The following KIAA1549L variants were observed in gnomAD, a reference collection of about 807,000 sequenced individuals.
KIAA1549L encodes UPF0606 protein KIAA1549L.
A neutral mutation model predicts 160.7 loss-of-function variants in KIAA1549L; 88 were observed. That is an observed-to-expected ratio of 0.55 (90% CI 0.46 to 0.65). The LOEUF (loss-of-function observed/expected upper bound fraction) is 0.65. Among genes scored for constraint, KIAA1549L ranks in the 30% least tolerant of loss-of-function variants. KIAA1549L has a pLI of 0.00. For synonymous variants in KIAA1549L, 950 were observed against 976.7 expected, an observed-to-expected ratio of 0.97 and a Z score of 0.51; for missense variants, 2,258 against 2,437.5, an observed-to-expected ratio of 0.93 and a Z score of 1.55.
intron 1 of KIAA1549L, among the ~76,000 whole-genome samples, chr11:33,419,463 A>G (rs917483162): frequency 6.6e-6 from 1 of 152,192 alleles, no homozygotes; most frequent in African/African-American, 2.4e-5. Flanking sequence ...TCTTTTCCTT[A>G]TAGTCAGATT....
chr11:33,396,209 A>G (rs914498188), intron 1 of KIAA1549L, among the ~76,000 whole-genome samples: 2 of 152,168 alleles, frequency 1.3e-5, no homozygotes, highest in African/African-American at 4.8e-5. Context: ...GTCCTATTAC[A>G]GGACCATCAG....
chr11:33,471,888 T>A (rs1852184772), intron 1 of KIAA1549L, among the ~76,000 whole-genome samples: 1 of 152,210 alleles, frequency 6.6e-6, no homozygotes, highest in Non-Finnish European at 1.5e-5. Flanking sequence ...TATCAGAACC[T>A]TATGAACAGT....
chr11:33,581,461 A>G (rs1478728410), intron 10 of KIAA1549L, among the ~76,000 whole-genome samples: 1 of 151,166 alleles, frequency 6.6e-6, no homozygotes, highest in African/African-American at 2.4e-5. Context: ...ACACACTTCT[A>G]TTCATGTGTG....
At position 33,650,191 on chromosome 11, in the gene KIAA1549L, G is replaced by T. The variant is rs544223453; in HGVS notation, c.5760+4155G>T. ...CTATCTGGGCCAGATTGGGAATGGGGCTCTCTGCCTTGGAACGGCCCCAAG... is the reference window on the plus strand; with the variant it reads ...CTATCTGGGCCAGATTGGGAATGGGTCTCTCTGCCTTGGAACGGCCCCAAG... On this transcript the variant is annotated intron_variant, in intron 17 of 20. Coordinates refer to ENST00000658780, the MANE Select transcript of KIAA1549L (RefSeq NM_012194.3). Among the ~76,000 whole-genome samples, 5 of 152,260 alleles carry T rather than the reference G, an allele frequency of 3.3e-5. No homozygotes were observed. In the South Asian group the frequency reaches 6.2e-4, roughly 19 times the overall value.
intron 20 of KIAA1549L, among the ~76,000 whole-genome samples, chr11:33,666,360 C>A (rs1352987518): frequency 1.3e-5 from 2 of 152,212 alleles, no homozygotes; most frequent in African/African-American, 4.8e-5. Flanking sequence ...ATCAGTACGC[C>A]CATACATTTT....
Position 33,584,411 on chromosome 11 carries a change from C to G in KIAA1549L, c.4566+910C>G, listed in dbSNP as rs752144749. The stretch of plus-strand genomic sequence containing the variant: ...CCCCCGTTCAGTGGCTCCACTGAAG[C>G]CTGTCCTGGGGCCCCATCCACCCAC... On this transcript the variant is annotated intron_variant, in intron 11 of 20. Transcript: ENST00000658780. 2.0e-5 allele frequency among the ~76,000 whole-genome samples: 3 copies of G among 152,302 alleles called. No individual in the cohort carries two copies. The East Asian group carries it at 5.8e-4, about 29-fold the overall frequency.
rs539293239 is a variant in KIAA1549L, at chr11:33,518,918, T to A, written c.239-22884T>A. ...GTATCCCAAATCTGGAAATCTGAAA[T>A]CCAAAATGCTCCATTGAGCATATCC... On this transcript the variant is annotated intron_variant, in intron 1 of 20. Transcript: ENST00000658780. Among the ~76,000 whole-genome samples the A allele has an allele frequency of 2.6e-5, 4 of 152,306 alleles. No homozygotes were observed. In the South Asian group the frequency reaches 8.3e-4, roughly 32 times the overall value.
At position 33,655,119 on chromosome 11, in the gene KIAA1549L, G is replaced by A. The variant is rs188669800; in HGVS notation, c.5761-893G>A. 6.6e-5 allele frequency among the ~76,000 whole-genome samples: 10 copies of A among 152,290 alleles called. 1 individual carries two copies. Among genetic ancestry groups the A allele is most frequent in the Admixed American group, 5.9e-4 (9 of 15,304 alleles). ...ATTTTCTCTTGCTAAAGGAGGTTGT[G>A]GCCTGGCTCTTTCTAATCCTGTCTG... On this transcript the variant is annotated intron_variant, in intron 17 of 20. Coordinates refer to ENST00000658780, the MANE Select transcript of KIAA1549L (RefSeq NM_012194.3).
At chr11:33,434,001 G>A (rs1565135003) in intron 1 of KIAA1549L, among the ~76,000 whole-genome samples, 1 of 151,966 alleles carries the variant, frequency 6.6e-6, no homozygotes, top group Non-Finnish European at 1.5e-5. Flanking sequence ...AAACCACCAT[G>A]GCACATGTAT....
At chr11:33,569,501 CTAAGAG>C (rs1245669037) in intron 9 of KIAA1549L, among the ~76,000 whole-genome samples, 1 of 149,786 alleles carries the variant, frequency 6.7e-6, no homozygotes, top group Non-Finnish European at 1.5e-5. Flanking sequence ...ATCACACTGT[CTAAGAG>C]TAAGCATTTT....
chr11:33,380,013 G>A (rs1423007941), intron 1 of KIAA1549L, among the ~76,000 whole-genome samples: 1 of 152,226 alleles, frequency 6.6e-6, no homozygotes, highest in Non-Finnish European at 1.5e-5. Context: ...TGGGGGCATG[G>A]GGGCCTTGAA....
chr11:33,669,965 T>G lies in KIAA1549L; in HGVS notation c.*1811T>G, dbSNP rs1333413543. ...ATTCCCGTGTGTATATATGGTATAT[T>G]TCTATCAATGGCCAGTTGTTGTAGT... On this transcript the variant is annotated 3_prime_UTR_variant, in exon 21 of 21. Coordinates refer to ENST00000658780, the MANE Select transcript of KIAA1549L (RefSeq NM_012194.3). 2 of 152,244 alleles carry G rather than the reference T, an allele frequency of 1.3e-5. No individual in the cohort carries two copies. 9.4% of individuals were successfully genotyped at this position (152,244 alleles called of 1,614,324 possible). A position where few individuals can be genotyped will look rare whatever the true frequency, so the allele number is the denominator to read the frequency against.
At chr11:33,572,238 T>G (rs2133242610) in intron 9 of KIAA1549L, among the ~76,000 whole-genome samples, 1 of 152,228 alleles carries the variant, frequency 6.6e-6, no homozygotes, top group Non-Finnish European at 1.5e-5. Flanking sequence ...GGTTTTGCTA[T>G]GTTAGTCAGG....
chr11:33,390,623 T>C (rs1280108231), intron 1 of KIAA1549L, among the ~76,000 whole-genome samples: 1 of 152,198 alleles, frequency 6.6e-6, no homozygotes, highest in Non-Finnish European at 1.5e-5. Flanking sequence ...AAAAATGCCT[T>C]CTTAGCCTGA....
intron 1 of KIAA1549L, among the ~76,000 whole-genome samples, chr11:33,507,202 A>T (rs938485894): frequency 2.6e-5 from 4 of 152,216 alleles, no homozygotes; most frequent in African/African-American, 9.6e-5. Flanking sequence ...CTGAGGTCAG[A>T]GTCAGCTTTG....
At position 33,450,367 on chromosome 11, in the gene KIAA1549L, C is replaced by T. The variant is rs568490704; in HGVS notation, c.238+73478C>T. On this transcript the variant is annotated intron_variant, in intron 1 of 20. Transcript: ENST00000658780. The stretch of plus-strand genomic sequence containing the variant: ...GAGCCCAGGAATTTGAGACCAGCCT[C>T]GGCAACATAGCAAGACCCTATCATT... 4.6e-5 allele frequency among the ~76,000 whole-genome samples: 7 copies of T among 152,072 alleles called. No homozygotes were observed. In the East Asian group the frequency reaches 7.7e-4, roughly 17 times the overall value.
intron 16 of KIAA1549L, among the ~76,000 whole-genome samples, chr11:33,624,716 C>T (rs1169496931): frequency 2.7e-5 from 4 of 149,618 alleles, no homozygotes; most frequent in Admixed American, 6.7e-5. Flanking sequence ...ACCAAGTGGA[C>T]GATTTAAGAG....
Position 33,668,154 on chromosome 11 carries a change from A to G in KIAA1549L, c.6441A>G (p.Ter2147=), listed in dbSNP as rs1156488227. 1 of 1,612,250 alleles carries G rather than the reference A, an allele frequency of 6.2e-7. No homozygotes were observed. Among genetic ancestry groups the G allele is most frequent in the African/African-American group, 1.3e-5 (1 of 74,912 alleles). Residue 2147 remains the stop codon, a stop_retained_variant, in exon 21 of 21, where the codon TAA becomes TAG. Coordinates refer to ENST00000658780, the MANE Select transcript of KIAA1549L (RefSeq NM_012194.3). ...CAGACATGTTTGAGTTCCAGGTCTA[A>G]CGCCTTAGCCCCGTGGGACTCTGGA... ...KQTDMFEFQV[*]
intron 1 of KIAA1549L, among the ~76,000 whole-genome samples, chr11:33,486,197 A>G (rs1450656351): frequency 6.6e-6 from 1 of 152,150 alleles, no homozygotes; most frequent in African/African-American, 2.4e-5. Flanking sequence ...ACGAGAGGTA[A>G]ATATTGGCGA....
Sources: gnomAD v4.1 joint callset for allele counts (sites outside exome capture counted in the v4.1 genomes callset) on GRCh38, gnomAD v4.1.1 for gene constraint, MANE v1.5 for transcripts, NCBI Gene and HGNC (gene_info 2026-07-23, HGNC 2026-07-21) for gene names.